The following ACSS2 variants were observed in gnomAD, a reference collection of about 807,000 sequenced individuals.
ACSS2 encodes the protein acyl-CoA synthetase short chain family member 2, also known as acetyl-coenzyme A synthetase, cytoplasmic.
In ACSS2, 58 loss-of-function variants were observed where a neutral mutation model predicts 90.6. The ratio of observed to expected loss-of-function variants is 0.64; its 90% confidence interval spans 0.52 to 0.80. The LOEUF is 0.80. ACSS2 is among the 30% of genes least tolerant of loss of function. The pLI is 0.00. For synonymous variants in ACSS2, 300 were observed against 330.9 expected, an observed-to-expected ratio of 0.91 and a Z score of 1.01; for missense variants, 759 against 912.0, an observed-to-expected ratio of 0.83 and a Z score of 2.16.
chr20:34,913,435 T>C lies in ACSS2; in HGVS notation c.509T>C (p.Ile170Thr). Residue 170 changes from isoleucine to threonine, a missense_variant, in exon 4 of 18, where the codon ATC (isoleucine) becomes ACC (threonine). By Grantham distance (89) the Ile-to-Thr change is moderately conservative. Transcript: ENST00000360596. ...GDRVAIYMPM[I>T]PELVVAMLAC... ...CGAGTGGCCATCTACATGCCTATGA[T>C]CCCAGAGCTTGTGGTGGCCATGCTG... 14 of 1,613,756 alleles carry C rather than the reference T, an allele frequency of 8.7e-6. No homozygotes were observed. The highest frequency in any genetic ancestry group is 1.1e-5 in the Non-Finnish European group (13 of 1,179,936).
chr20:34,918,008 T>A (rs890042474), intron 7 of ACSS2, among the ~76,000 whole-genome samples: 1 of 152,080 alleles, frequency 6.6e-6, no homozygotes, highest in East Asian at 1.9e-4. Context: ...CTGCCCACTT[T>A]GGCCTCCCAA....
chr20:34,923,437 C>A lies in ACSS2; in HGVS notation c.1657+6C>A, dbSNP rs774246597. The stretch of plus-strand genomic sequence containing the variant: ...ATACTATGTTACAGGAGATGGTGAG[C>A]CTTAGCTATCCCCCTCTTGCACCTC... On this transcript the variant is annotated splice_donor_region_variant and intron_variant, in intron 14 of 17. Coordinates refer to ENST00000360596, the MANE Select transcript of ACSS2 (RefSeq NM_018677.4). 1 of 1,601,832 alleles carries A rather than the reference C, an allele frequency of 6.2e-7. No individual in the cohort carries two copies. Among genetic ancestry groups the A allele is most frequent in the Non-Finnish European group, 8.6e-7 (1 of 1,169,074 alleles).
At chr20:34,908,302 G>A (rs936925167) in intron 2 of ACSS2, among the ~76,000 whole-genome samples, 2 of 152,184 alleles carry the variant, frequency 1.3e-5, no homozygotes, top group African/African-American at 2.4e-5. Flanking sequence ...AAGGCTCTAC[G>A]TGATTTGGCT....
At chr20:34,919,140 T>C (rs2081138063) in intron 7 of ACSS2, among the ~76,000 whole-genome samples, 1 of 152,076 alleles carries the variant, frequency 6.6e-6, no homozygotes, top group Non-Finnish European at 1.5e-5. Flanking sequence ...AAGGTGACAT[T>C]TCAGCTCAGA....
At chr20:34,889,051 C>T (rs2080268681) in intron 2 of ACSS2, among the ~76,000 whole-genome samples, 1 of 150,386 alleles carries the variant, frequency 6.6e-6, no homozygotes, top group African/African-American at 2.4e-5. Flanking sequence ...GTTGCCCAGG[C>T]TGGAATGCAG....
rs535126568 is a variant in ACSS2 at position 34,897,826 on chromosome 20, T to TA, written c.374+14849dup. ...CCTGGGCAACAAAGTGAGACTGTCT[T>TA]AAAAAAAAAAAAGTTCATCCATGTT... is the stretch of plus-strand genomic sequence containing the variant. On this transcript the variant is annotated intron_variant, in intron 2 of 17. Transcript: ENST00000360596. Among the ~76,000 whole-genome samples, 272 of 145,392 alleles carry TA rather than the reference T, an allele frequency of 1.9e-3. 1 individual carries two copies. The highest frequency in any genetic ancestry group is 0.013 in the East Asian group (64 of 5,042).
At chr20:34,898,158 A>C (rs1211104787) in intron 2 of ACSS2, among the ~76,000 whole-genome samples, 1 of 152,184 alleles carries the variant, frequency 6.6e-6, no homozygotes, top group Non-Finnish European at 1.5e-5. Context: ...CCAAAGAGTG[A>C]GCAGCAGCAA....
At chr20:34,878,896 TTTTTTTTTTTTTTTTC>T (rs2079990747) in intron 1 of ACSS2, among the ~76,000 whole-genome samples, 1 of 66,674 alleles carries the variant, frequency 1.5e-5, no homozygotes, top group South Asian at 6.3e-4. Context: ...TCTGCTTTTC[TTTTTTTTTTTTTTTTC>T]TTTTTTTTTT....
chr20:34,913,517 A>G (rs1237669232), intron 4 of ACSS2, 21 bp downstream of exon 4: 1 of 1,605,748 alleles, frequency 6.2e-7, no homozygotes, highest in African/African-American at 1.3e-5. Context: ...GGGCTGGTGA[A>G]AAGGGGCAGG....
chr20:34,910,227 G>A (rs913050017), intron 2 of ACSS2, among the ~76,000 whole-genome samples: 1 of 152,134 alleles, frequency 6.6e-6, no homozygotes, highest in Non-Finnish European at 1.5e-5. Context: ...AGATCATAAT[G>A]ATACAGACTT....
At chr20:34,876,384 G>A, upstream of ACSS2, 1 of 354,318 alleles carries the variant, frequency 2.8e-6, no homozygotes, top group Non-Finnish European at 5.0e-6. Flanking sequence ...TCACTCGACG[G>A]CGTCACTCCT....
At chr20:34,926,401 GC>G in intron 16 of ACSS2, 120 bp downstream of exon 16, 2 of 1,042,960 alleles carry the variant, frequency 1.9e-6, no homozygotes, top group Non-Finnish European at 1.4e-6. Flanking sequence ...ATTCCAGGGG[GC>G]CCCATGGGCT....
chr20:34,895,420 A>T (rs987429218), intron 2 of ACSS2, among the ~76,000 whole-genome samples: 1 of 152,204 alleles, frequency 6.6e-6, no homozygotes, highest in African/African-American at 2.4e-5. Context: ...TAAGATAAAT[A>T]TGTTAATATA....
chr20:34,887,718 G>A (rs2080232633), intron 2 of ACSS2, among the ~76,000 whole-genome samples: 1 of 151,854 alleles, frequency 6.6e-6, no homozygotes, highest in Admixed American at 6.6e-5. Context: ...TCCACCCTGG[G>A]CGACAAGAGC....
chr20:34,923,451 C>T lies in ACSS2; in HGVS notation c.1657+20C>T, dbSNP rs1364897095. ...GAGATGGTGAGCCTTAGCTATCCCC[C>T]TCTTGCACCTCCCACTAAGACATGT... is the stretch of plus-strand genomic sequence containing the variant. On this transcript the variant is annotated intron_variant, in intron 14 of 17. Coordinates refer to ENST00000360596, the MANE Select transcript of ACSS2 (RefSeq NM_018677.4). The T allele has an allele frequency of 6.4e-7, 1 of 1,554,902 alleles. No individual in the cohort carries two copies. Among genetic ancestry groups the T allele is most frequent in the Non-Finnish European group, 8.9e-7 (1 of 1,126,796 alleles).
chr20:34,878,702 A>G (rs113095019), intron 1 of ACSS2, among the ~76,000 whole-genome samples: 6 of 152,260 alleles, frequency 3.9e-5, no homozygotes, highest in African/African-American at 1.4e-4. Flanking sequence ...AATTCCATCA[A>G]ATACAGAATT....
chr20:34,926,457 T>C (rs914382852), intron 16 of ACSS2, among the ~76,000 whole-genome samples, 176 bp downstream of exon 16: 1 of 152,110 alleles, frequency 6.6e-6, no homozygotes, highest in African/African-American at 2.4e-5. Flanking sequence ...CCCACTAGGA[T>C]AATAATAATA....
chr20:34,892,402 T>C (rs1221196176), intron 2 of ACSS2, among the ~76,000 whole-genome samples: 1 of 152,174 alleles, frequency 6.6e-6, no homozygotes, highest in Non-Finnish European at 1.5e-5. Flanking sequence ...ACTCTCAGTT[T>C]CAGTCCTTAG....
At chr20:34,876,189 T>A (rs943813630), upstream of ACSS2, among the ~76,000 whole-genome samples, 1 of 151,870 alleles carries the variant, frequency 6.6e-6, no homozygotes, top group South Asian at 2.1e-4. Flanking sequence ...TATCTGTCAC[T>A]CCAAGACCCC....
Sources: allele counts gnomAD v4.1 joint callset (sites outside exome capture counted in the v4.1 genomes callset), GRCh38; gene constraint gnomAD v4.1.1; transcripts MANE v1.5; gene names NCBI Gene and HGNC (gene_info 2026-07-23, HGNC 2026-07-21).